BSDC1: variants seen among roughly 807,000 people sequenced by gnomAD.
BSDC1 encodes BSD domain containing 1.
In BSDC1, 29 loss-of-function variants were observed where a neutral mutation model predicts 56.0. That is an observed-to-expected ratio of 0.52 (90% CI 0.39 to 0.71). The LOEUF is 0.71. BSDC1 is among the 30% of genes least tolerant of loss of function. The pLI is 0.00. For synonymous variants in BSDC1, 210 were observed against 215.3 expected (o/e 0.98, Z 0.21); for missense variants, 477 against 548.5 (o/e 0.87, Z 1.30).
intron 4 of BSDC1, 133 bp from the exon 5 acceptor site, chr1:32,381,401 T>C: frequency 1.2e-6 from 1 of 860,646 alleles, no homozygotes; most frequent in African/African-American, 1.7e-5. Context: ...CCAGGGCATC[T>C]GTTAATTAGC....
rs1642352252 is a variant in BSDC1 at position 32,377,951 on chromosome 1, A to AC, written c.676+18dup. Reference sequence around the variant, plus strand: ...CGCACAGATGTGACACTTGCCCCTCACCTCTCAACGCCTCTTACCTTCCTC... The same window carrying AC: ...CGCACAGATGTGACACTTGCCCCTCACCCTCTCAACGCCTCTTACCTTCCTC... On this transcript the variant is annotated intron_variant, in intron 8 of 10. Transcript: ENST00000455895. The AC allele has an allele frequency of 6.2e-7, 1 of 1,604,080 alleles. No individual in the cohort carries two copies. The highest frequency in any genetic ancestry group is 1.3e-5 in the African/African-American group (1 of 74,706).
chr1:32,391,408 A>G (rs566946602), intron 2 of BSDC1, among the ~76,000 whole-genome samples: 8 of 152,310 alleles, frequency 5.3e-5, no homozygotes, highest in African/African-American at 1.9e-4. Context: ...AGGGGACCCC[A>G]GGGAAGAGTT....
chr1:32,375,618 A>G (rs1339981057), intron 9 of BSDC1, among the ~76,000 whole-genome samples: 1 of 152,190 alleles, frequency 6.6e-6, no homozygotes, highest in Non-Finnish European at 1.5e-5. Flanking sequence ...CTGAAGCTCC[A>G]TTACTCAAGC....
chr1:32,394,421 T>C lies in BSDC1; in HGVS notation c.-7A>G. On this transcript the variant is annotated 5_prime_UTR_variant, in exon 1 of 11. Coordinates refer to ENST00000455895, the MANE Select transcript of BSDC1 (RefSeq NM_018045.8). ...AAGCTCACCCTTCCGCCATCTTGCC[T>C]GCATGACATCACCACTATTTACTGA... is the stretch of plus-strand genomic sequence containing the variant. 1 of 1,614,176 alleles carries C rather than the reference T, an allele frequency of 6.2e-7. No homozygotes were observed. Among genetic ancestry groups the C allele is most frequent in the Non-Finnish European group, 8.5e-7 (1 of 1,180,030 alleles).
At chr1:32,371,954 C>T (rs1386311882) in intron 9 of BSDC1, among the ~76,000 whole-genome samples, 1 of 152,204 alleles carries the variant, frequency 6.6e-6, no homozygotes, top group Non-Finnish European at 1.5e-5. Context: ...AAAATACAGA[C>T]TCCTACCCTG....
In BSDC1 at chr1:32,378,079, A is replaced by T; in HGVS notation, c.598-31T>A. The T allele has an allele frequency of 6.3e-7, 1 of 1,599,820 alleles. No individual in the cohort carries two copies. Among genetic ancestry groups the T allele is most frequent in the Non-Finnish European group, 8.5e-7 (1 of 1,171,756 alleles). The stretch of plus-strand genomic sequence containing the variant: ...TGTGGGGGAGCAGAAGGCCACAGGC[A>T]GTCAGGGCACCCTCTTCCTAGACCC... On this transcript the variant is annotated intron_variant, in intron 7 of 10. Coordinates refer to ENST00000455895, the MANE Select transcript of BSDC1 (RefSeq NM_018045.8). This position sits in a 1 kb window ranked among gnomAD's most constrained non-coding sequence, Gnocchi z 5.2.
At chr1:32,367,280 T>C (rs1371260514) in intron 10 of BSDC1, 1 of 985,256 alleles carries the variant, frequency 1.0e-6, no homozygotes, top group East Asian at 1.1e-4. Context: ...GTATAGCAGG[T>C]TCTAGAATGC....
At position 32,377,989 on chromosome 1, in the gene BSDC1, G is replaced by A. The variant is rs767690873; in HGVS notation, c.657C>T (p.Pro219=). The A allele has an allele frequency of 9.9e-6, 16 of 1,612,942 alleles. No individual in the cohort carries two copies. The highest frequency in any genetic ancestry group is 5.5e-5 in the South Asian group (5 of 90,848). The change falls in exon 8 of 11, where the codon CCC becomes CCT. Residue 219 remains proline, a synonymous_variant. Coordinates refer to ENST00000455895, the MANE Select transcript of BSDC1 (RefSeq NM_018045.8). ...QRAEQSISEE[P]GWEEEEEELM... is the part of the protein sequence containing the mutation. ...TCTTACCTTCCTCCTCCTCCCAGCC[G>A]GGCTCTTCAGAGATGCTCTGTTCCG...
chr1:32,378,742 C>A lies in BSDC1; in HGVS notation c.510G>T (p.Arg170=), dbSNP rs1363937342. 6 of 1,529,076 alleles carry A rather than the reference C, an allele frequency of 3.9e-6. No homozygotes were observed. The highest frequency in any genetic ancestry group is 3.5e-6 in the Non-Finnish European group (4 of 1,136,206). 94.7% of individuals were successfully genotyped at this position (1,529,076 alleles called of 1,614,324 possible). The part of the protein sequence containing the change: ...SELLVGSPSI[R]ALYTKMVPAA... ...CCCTCACCATCTTGGTGTAGAGGGC[C>A]CGGATGGAGGGGCTGCCTACAAGGA... is the stretch of plus-strand genomic sequence containing the variant. Residue 170 remains arginine, a synonymous_variant, in exon 6 of 11, where the codon CGG becomes CGT. Transcript: ENST00000455895. The surrounding 1 kb of genome is among the most constrained non-coding windows in gnomAD (Gnocchi z 5.2).
chr1:32,385,492 C>T (rs969728558), intron 3 of BSDC1, among the ~76,000 whole-genome samples: 45 of 151,850 alleles, frequency 3.0e-4, no homozygotes, highest in African/African-American at 1.0e-3. Context: ...TTTGGGAGGC[C>T]GAAGCAGGTG....
chr1:32,386,577 A>G, intron 3 of BSDC1: 1 of 484,956 alleles, frequency 2.1e-6, no homozygotes, highest in East Asian at 3.5e-5. Flanking sequence ...CTAAAACAAT[A>G]CAGAAGTGGG....
At position 32,376,538 on chromosome 1, in the gene BSDC1, T is replaced by C; in HGVS notation, c.880A>G (p.Thr294Ala). 1 of 1,563,152 alleles carries C rather than the reference T, an allele frequency of 6.4e-7. No individual in the cohort carries two copies. The highest frequency in any genetic ancestry group is 8.7e-7 in the Non-Finnish European group (1 of 1,146,852). ...GGTAGCACTCGTGCCTCAGGTGCAG[T>C]GGCCGGGTTGGCGATCTGTGTCACG... is the stretch of plus-strand genomic sequence containing the variant. ...SLVTQIANPATAPEARVLPKD... is the reference protein window; with the variant it reads ...SLVTQIANPAAAPEARVLPKD... The change falls in exon 9 of 11, where the codon ACT (threonine) becomes GCT (alanine). Residue 294 changes from threonine to alanine, a missense_variant. Transcript: ENST00000455895.
In BSDC1 at chr1:32,376,294, C is replaced by G; in HGVS notation, c.1124G>C (p.Gly375Ala). The G allele has an allele frequency of 6.4e-7, 1 of 1,566,846 alleles. No individual in the cohort carries two copies. The highest frequency in any genetic ancestry group is 1.2e-5 in the South Asian group (1 of 86,302). The change falls in exon 9 of 11, where the codon GGG (glycine) becomes GCG (alanine). Residue 375 changes from glycine to alanine, a missense_variant. Coordinates refer to ENST00000455895, the MANE Select transcript of BSDC1 (RefSeq NM_018045.8). ...TCCATTGTTGGAGGGTGTAGACTTC[C>G]CACTATCCGAGTTCAGCTCAAACAC... ...LRVFELNSDS[G>A]KSTPSNNGKK...
chr1:32,376,370 G>C lies in BSDC1; in HGVS notation c.1048C>G (p.Pro350Ala). ...CTCAGAGTCTCTACTCTGGCTGGAGGCCTGGGCTCTGGGCCGCCGGTGTGG... is the reference window on the plus strand; with the variant it reads ...CTCAGAGTCTCTACTCTGGCTGGAGCCCTGGGCTCTGGGCCGCCGGTGTGG... ...AGHTGGPEPRPPARVETLREE... is the reference protein window; with the variant it reads ...AGHTGGPEPRAPARVETLREE... The change falls in exon 9 of 11, where the codon CCT becomes GCT. Residue 350 changes from proline to alanine, a missense_variant. By Grantham distance (27) the Pro-to-Ala change is conservative. Coordinates refer to ENST00000455895, the MANE Select transcript of BSDC1 (RefSeq NM_018045.8). The C allele has an allele frequency of 6.2e-7, 1 of 1,613,714 alleles. No individual in the cohort carries two copies. Among genetic ancestry groups the C allele is most frequent in the Non-Finnish European group, 8.5e-7 (1 of 1,179,696 alleles).
At chr1:32,380,129 A>G (rs1458134722) in intron 5 of BSDC1, among the ~76,000 whole-genome samples, 1 of 152,210 alleles carries the variant, frequency 6.6e-6, no homozygotes, top group Non-Finnish European at 1.5e-5. Flanking sequence ...TACTACTGTG[A>G]GCCTTTTAGG....
intron 10 of BSDC1, chr1:32,367,279 G>C: frequency 5.1e-6 from 5 of 985,440 alleles, no homozygotes; most frequent in Non-Finnish European, 6.0e-6. Flanking sequence ...GGTATAGCAG[G>C]TTCTAGAATG....
rs145192698 is a variant in BSDC1 at position 32,394,438 on chromosome 1, A to G, written c.-24T>C. 2.5e-6 allele frequency: 4 copies of G among 1,613,900 alleles called. No homozygotes were observed. Among genetic ancestry groups the G allele is most frequent in the East Asian group, 4.5e-5 (2 of 44,858 alleles). On this transcript the variant is annotated 5_prime_UTR_variant, in exon 1 of 11. Transcript: ENST00000455895. ...ATCTTGCCTGCATGACATCACCACT[A>G]TTTACTGACCTTTGACTTCCGACAC...
chr1:32,368,623 G>A, intron 9 of BSDC1, 73 bp from the exon 10 acceptor site: 2 of 1,594,284 alleles, frequency 1.3e-6, no homozygotes, highest in Non-Finnish European at 1.7e-6. Context: ...TGTAGCTGGG[G>A]AGATAGCATG....
Position 32,375,706 on chromosome 1 carries a change from A to G in BSDC1, c.1156+556T>C, listed in dbSNP as rs574019807. 2.0e-5 allele frequency among the ~76,000 whole-genome samples: 3 copies of G among 152,344 alleles called. No homozygotes were observed. In the South Asian group the frequency reaches 6.2e-4, roughly 32 times the overall value. On this transcript the variant is annotated intron_variant, in intron 9 of 10. Transcript: ENST00000455895. ...ATGAGTTTTGTTTATATATTTCATA[A>G]TAACGAAGGCTTGGGGAAGCTGAAT...
Sources: allele counts gnomAD v4.1 joint callset (sites outside exome capture counted in the v4.1 genomes callset), GRCh38; gene constraint gnomAD v4.1.1; non-coding constraint Gnocchi (gnomAD v3.1); transcripts MANE v1.5; gene names NCBI Gene and HGNC (gene_info 2026-07-23, HGNC 2026-07-21).